The following L3MBTL4 variants were observed in gnomAD, a reference collection of about 807,000 sequenced individuals.
The protein encoded by L3MBTL4 is lethal(3)malignant brain tumor-like protein 4.
L3MBTL4 carries 70 observed loss-of-function variants against 84.5 expected under a neutral mutation model. The observed-to-expected ratio is 0.83, with a 90% CI of 0.68 to 1.01. L3MBTL4 has a LOEUF of 1.01. Among genes scored for constraint, L3MBTL4 ranks in the 50% least tolerant of loss-of-function variants. The pLI, the probability that L3MBTL4 is intolerant of heterozygous loss-of-function variation, is 0.00. For synonymous variants in L3MBTL4, 274 were observed against 259.8 expected (o/e 1.05, Z -0.52); for missense variants, 715 against 754.8 (o/e 0.95, Z 0.62).
At chr18:6,046,886 AAAG>A in intron 16 of L3MBTL4, 1 of 583,328 alleles carries the variant, frequency 1.7e-6, no homozygotes, top group Non-Finnish European at 3.1e-6. Context: ...TAGCAGAAGA[AAAG>A]AATTGACTAA....
chr18:6,356,138 T>A (rs948707879), intron 1 of L3MBTL4, among the ~76,000 whole-genome samples: 1 of 152,214 alleles, frequency 6.6e-6, no homozygotes, highest in Non-Finnish European at 1.5e-5. Context: ...TCTGTACCTT[T>A]TAAAATCCAA....
At chr18:6,239,343 A>C (rs1486915091) in intron 9 of L3MBTL4, among the ~76,000 whole-genome samples, 1 of 135,514 alleles carries the variant, frequency 7.4e-6, no homozygotes, top group Non-Finnish European at 1.5e-5. Context: ...TCCGTCTCAA[A>C]AAAAAAAAAA....
intron 16 of L3MBTL4, among the ~76,000 whole-genome samples, chr18:5,992,660 C>T (rs2053758212): frequency 6.6e-6 from 1 of 152,176 alleles, no homozygotes; most frequent in African/African-American, 2.4e-5. Flanking sequence ...AGTGAGCTCT[C>T]ACTCTGAGTT....
intron 16 of L3MBTL4, among the ~76,000 whole-genome samples, chr18:6,008,183 G>A (rs2054576044): frequency 6.6e-6 from 1 of 152,148 alleles, no homozygotes; most frequent in Non-Finnish European, 1.5e-5. Context: ...TATCCTTGCA[G>A]AGTGAGAATG....
intron 1 of L3MBTL4, among the ~76,000 whole-genome samples, chr18:6,345,544 C>A (rs1363434101): frequency 1.4e-5 from 2 of 144,968 alleles, no homozygotes; most frequent in Non-Finnish European, 3.0e-5. Flanking sequence ...AACAAACTAT[C>A]CAATAGAATT....
intron 16 of L3MBTL4, among the ~76,000 whole-genome samples, chr18:5,982,012 T>TG (rs2053250263): frequency 2.6e-5 from 2 of 76,924 alleles, no homozygotes; most frequent in East Asian, 1.9e-3. Flanking sequence ...GTGTGTGTTT[T>TG]GGGAAAAAAA....
intron 16 of L3MBTL4, among the ~76,000 whole-genome samples, chr18:6,063,514 C>T (rs901260514): frequency 6.6e-6 from 1 of 151,934 alleles, no homozygotes. Context: ...TTCACCACAT[C>T]CATGCCAACA....
chr18:6,279,416 A>C (rs1443629925), intron 4 of L3MBTL4, among the ~76,000 whole-genome samples: 1 of 152,126 alleles, frequency 6.6e-6, no homozygotes, highest in Non-Finnish European at 1.5e-5. Context: ...AGGGATGAAG[A>C]CAAGAAGAAA....
At chr18:6,045,003 A>G (rs1407447779) in intron 16 of L3MBTL4, among the ~76,000 whole-genome samples, 1 of 152,210 alleles carries the variant, frequency 6.6e-6, no homozygotes, top group Non-Finnish European at 1.5e-5. Flanking sequence ...AACCACCACT[A>G]TAGCTCATAA....
intron 16 of L3MBTL4, among the ~76,000 whole-genome samples, chr18:6,064,483 T>C (rs1044646740): frequency 6.6e-6 from 1 of 152,122 alleles, no homozygotes; most frequent in Non-Finnish European, 1.5e-5. Flanking sequence ...ATTCTTCCCA[T>C]CCATGAGCAT....
chr18:6,371,993 C>A (rs992727468), intron 1 of L3MBTL4, among the ~76,000 whole-genome samples: 4 of 152,202 alleles, frequency 2.6e-5, no homozygotes, highest in Non-Finnish European at 5.9e-5. Context: ...TTGGGAGAGA[C>A]AGTGCTCCTG....
chr18:6,391,035 CAA>C (rs907712525), intron 1 of L3MBTL4, among the ~76,000 whole-genome samples: 4 of 148,540 alleles, frequency 2.7e-5, no homozygotes, highest in Non-Finnish European at 5.9e-5. Context: ...CAAAAAAAAA[CAA>C]AAGTCTACAG....
chr18:6,244,280 T>C (rs979982515), intron 6 of L3MBTL4, among the ~76,000 whole-genome samples: 9 of 152,326 alleles, frequency 5.9e-5, no homozygotes, highest in African/African-American at 1.7e-4. Context: ...TAAATGCTAG[T>C]TGATGAAGGA....
chr18:6,306,469 T>A (rs1198283074), intron 3 of L3MBTL4, among the ~76,000 whole-genome samples: 6 of 152,206 alleles, frequency 3.9e-5, no homozygotes, highest in African/African-American at 1.4e-4. Context: ...TAAACTGGCA[T>A]CAGTCTTCTA....
At chr18:6,402,994 G>A (rs987355352) in intron 1 of L3MBTL4, among the ~76,000 whole-genome samples, 20 of 152,198 alleles carry the variant, frequency 1.3e-4, no homozygotes, top group Non-Finnish European at 2.8e-4. Context: ...GAAGGGGGAA[G>A]TAGGTTACCC....
chr18:6,037,885 C>T (rs1412566785), intron 16 of L3MBTL4, among the ~76,000 whole-genome samples: 1 of 152,144 alleles, frequency 6.6e-6, no homozygotes, highest in East Asian at 1.9e-4. Flanking sequence ...TATTAAAGTG[C>T]TGGTTGCTCT....
intron 18 of L3MBTL4, among the ~76,000 whole-genome samples, chr18:5,959,537 G>C (rs2095251540): frequency 6.6e-6 from 1 of 152,118 alleles, no homozygotes; most frequent in African/African-American, 2.4e-5. Context: ...CAACCAAGAG[G>C]GGACAGGAGA....
intron 13 of L3MBTL4, among the ~76,000 whole-genome samples, chr18:6,150,022 A>T (rs1405664469): frequency 6.6e-6 from 1 of 152,200 alleles, no homozygotes; most frequent in East Asian, 1.9e-4. Context: ...CTATAAGCAT[A>T]TCCAGGTAGC....
intron 11 of L3MBTL4, among the ~76,000 whole-genome samples, chr18:6,215,212 G>A (rs558148218): frequency 6.6e-6 from 1 of 152,142 alleles, no homozygotes; most frequent in Non-Finnish European, 1.5e-5. Flanking sequence ...ATCTTTAACT[G>A]TACTACCTAT....
Sources: allele counts gnomAD v4.1 joint callset (sites outside exome capture counted in the v4.1 genomes callset), GRCh38; gene constraint gnomAD v4.1.1; transcripts MANE v1.5; gene names NCBI Gene and HGNC (gene_info 2026-07-23, HGNC 2026-07-21).